Variants in THSD4 observed in about 807,000 individuals in gnomAD.
THSD4 encodes thrombospondin type-1 domain-containing protein 4.
In THSD4, 69 loss-of-function variants were observed where a neutral mutation model predicts 119.0. That is an observed-to-expected ratio of 0.58 (90% CI 0.48 to 0.71). THSD4 has a LOEUF of 0.71. THSD4 is among the 30% of genes least tolerant of loss of function. THSD4 has a pLI of 0.00. For synonymous variants in THSD4, 524 were observed against 540.4 expected, an observed-to-expected ratio of 0.97 and a Z score of 0.42; for missense variants, 1,393 against 1,391.1, an observed-to-expected ratio of 1.00 and a Z score of -0.02.
At chr15:71,410,352 G>A (rs1490430232) in intron 6 of THSD4, among the ~76,000 whole-genome samples, 1 of 152,192 alleles carries the variant, frequency 6.6e-6, no homozygotes, top group Non-Finnish European at 1.5e-5. Flanking sequence ...ACATCAACCT[G>A]AGAGGGGGCA....
At chr15:71,569,951 G>A (rs558094696) in intron 7 of THSD4, among the ~76,000 whole-genome samples, 3 of 152,094 alleles carry the variant, frequency 2.0e-5, no homozygotes, top group Non-Finnish European at 2.9e-5. Flanking sequence ...CTGTGATCGC[G>A]CCACTGCATT....
chr15:71,569,653 C>T (rs1056027949), intron 7 of THSD4, among the ~76,000 whole-genome samples: 1 of 152,158 alleles, frequency 6.6e-6, no homozygotes. Context: ...AGCTCCCTAG[C>T]AGCCAAAGCA....
chr15:71,509,692 G>A lies in THSD4; in HGVS notation c.1152+97869G>A, dbSNP rs557902137. Among the ~76,000 whole-genome samples, 3 of 152,248 alleles carry A rather than the reference G, an allele frequency of 2.0e-5. No homozygotes were observed. The South Asian group carries it at 6.2e-4, about 32-fold the overall frequency. On this transcript the variant is annotated intron_variant, in intron 7 of 17. Transcript: ENST00000261862. ...CCATACTGTATCTTGCAGGCAGTAG[G>A]AACCATTTGATATGAAATTAATAAA...
At chr15:71,728,460 A>G (rs957333932) in intron 8 of THSD4, 89 bp from the exon 9 acceptor site, 2 of 1,492,558 alleles carry the variant, frequency 1.3e-6, no homozygotes, top group Non-Finnish European at 1.8e-6. Flanking sequence ...AACCTTGATG[A>G]ATGAAGAAGC....
chr15:71,424,238 C>A (rs1595754434), intron 7 of THSD4, among the ~76,000 whole-genome samples: 1 of 152,088 alleles, frequency 6.6e-6, no homozygotes, highest in Admixed American at 6.5e-5. Context: ...ATGAAGGCTA[C>A]TATTCAGCCA....
intron 8 of THSD4, among the ~76,000 whole-genome samples, chr15:71,675,725 T>C (rs1332569100): frequency 6.6e-6 from 1 of 152,194 alleles, no homozygotes; most frequent in Non-Finnish European, 1.5e-5. Context: ...CTGCATTTTA[T>C]AGTTGAGGGA....
chr15:71,187,540 CATT>C (rs2043621267), intron 3 of THSD4: 1 of 152,632 alleles, frequency 6.6e-6, no homozygotes, highest in South Asian at 2.1e-4. Flanking sequence ...ACACAAGGCT[CATT>C]CTCTCTGAGA....
At chr15:71,510,066 TA>T (rs1207125215) in intron 7 of THSD4, among the ~76,000 whole-genome samples, 1 of 152,202 alleles carries the variant, frequency 6.6e-6, no homozygotes, top group Non-Finnish European at 1.5e-5. Context: ...TGAATAACCC[TA>T]GAGCTGTGTG....
chr15:71,269,546 AG>A (rs200130675), intron 6 of THSD4, among the ~76,000 whole-genome samples: 2,049 of 152,302 alleles, frequency 0.013, 41 homozygotes, highest in African/African-American at 0.046. Flanking sequence ...GCACAAGACA[AG>A]AATGCCCTCT....
intron 6 of THSD4, among the ~76,000 whole-genome samples, chr15:71,280,478 T>G (rs527700438): frequency 1.3e-5 from 2 of 152,336 alleles, no homozygotes; most frequent in South Asian, 2.1e-4. Flanking sequence ...CAGTCATGTT[T>G]TCAAATATGT....
intron 7 of THSD4, among the ~76,000 whole-genome samples, chr15:71,592,580 G>A (rs1156766714): frequency 6.6e-6 from 1 of 152,018 alleles, no homozygotes; most frequent in African/African-American, 2.4e-5. Flanking sequence ...TGGTGATCGG[G>A]TTCCCAGACC....
In THSD4 at chr15:71,411,921, C is replaced by T. The variant is rs886513348; in HGVS notation, c.1152+98C>T. 4.7e-6 allele frequency: 7 copies of T among 1,498,196 alleles called. No homozygotes were observed. In the African/African-American group the frequency reaches 6.9e-5, roughly 15 times the overall value. 92.8% of individuals were successfully genotyped at this position (1,498,196 alleles called of 1,614,324 possible). On this transcript the variant is annotated intron_variant, in intron 7 of 17. Transcript: ENST00000261862. Reference sequence around the variant, plus strand: ...GAGAGACTAGGCTGCTAGCTCCCCCCAGCCCACGTCAGGGCCACTCAACCA... The same window carrying T: ...GAGAGACTAGGCTGCTAGCTCCCCCTAGCCCACGTCAGGGCCACTCAACCA...
rs553619080 is a variant in THSD4 at position 71,368,330 on chromosome 15, T to G, written c.1016-43357T>G. On this transcript the variant is annotated intron_variant, in intron 6 of 17. Transcript: ENST00000261862. ...AGTTTTGGCTTTTGTTGCCATTGCTTTTGGTGTTTTAGACATGAAGTCCTT... is the reference window on the plus strand; with the variant it reads ...AGTTTTGGCTTTTGTTGCCATTGCTGTTGGTGTTTTAGACATGAAGTCCTT... 7.6e-4 allele frequency among the ~76,000 whole-genome samples: 116 copies of G among 152,364 alleles called. 1 individual carries two copies. Among genetic ancestry groups the G allele is most frequent in the African/African-American group, 2.7e-3 (112 of 41,574 alleles).
At chr15:71,589,451 G>T (rs72739290) in intron 7 of THSD4, among the ~76,000 whole-genome samples, 16,480 of 137,546 alleles carry the variant, frequency 0.12, 3,607 homozygotes, top group Admixed American at 0.16. Context: ...GCCCTCCTGG[G>T]TTCAAGGGAT....
chr15:71,111,801 C>G (rs1266413813), upstream of THSD4: 3 of 523,432 alleles, frequency 5.7e-6, no homozygotes, highest in Non-Finnish European at 1.0e-5. Context: ...TTCTCTGAAG[C>G]ACAGTTAGGA....
chr15:71,484,812 A>G (rs1485147336), intron 7 of THSD4, among the ~76,000 whole-genome samples: 3 of 152,150 alleles, frequency 2.0e-5, no homozygotes, highest in Non-Finnish European at 4.4e-5. Context: ...CCTGGGGCCA[A>G]AGTTTCCCCT....
At chr15:71,314,421 C>T (rs1323605813) in intron 6 of THSD4, among the ~76,000 whole-genome samples, 2 of 152,068 alleles carry the variant, frequency 1.3e-5, no homozygotes, top group Non-Finnish European at 2.9e-5. Context: ...ATTCTCCTGC[C>T]TCAGCCTCCC....
chr15:71,433,089 T>C (rs2046963385), intron 7 of THSD4, among the ~76,000 whole-genome samples: 1 of 151,758 alleles, frequency 6.6e-6, no homozygotes, highest in Admixed American at 6.6e-5. Context: ...ATATATTTTA[T>C]AATTTTTAGA....
chr15:71,763,246 C>T (rs1215090475), intron 15 of THSD4, among the ~76,000 whole-genome samples: 3 of 147,016 alleles, frequency 2.0e-5, no homozygotes, highest in Admixed American at 6.7e-5. Context: ...TCTGTAGATG[C>T]GTGTTTTTCT....
Sources: gnomAD v4.1 joint callset for allele counts (sites outside exome capture counted in the v4.1 genomes callset) on GRCh38, gnomAD v4.1.1 for gene constraint, MANE v1.5 for transcripts, NCBI Gene and HGNC (gene_info 2026-07-23, HGNC 2026-07-21) for gene names.